The following SOX5 variants were observed in gnomAD, a reference collection of about 807,000 sequenced individuals.
The protein encoded by SOX5 is transcription factor SOX-5.
In SOX5, 9 loss-of-function variants were observed where a neutral mutation model predicts 92.0. The observed-to-expected ratio is 0.10, with a 90% confidence interval of 0.06 to 0.17. SOX5 has a LOEUF of 0.17. SOX5 is among the 10% of genes least tolerant of loss of function. The pLI, the probability that SOX5 is intolerant of heterozygous loss-of-function variation, is 1.00. For synonymous variants in SOX5, 344 were observed against 336.3 expected, an observed-to-expected ratio of 1.02 and a Z score of -0.25; for missense variants, 642 against 944.5, an observed-to-expected ratio of 0.68 and a Z score of 4.20.
At chr12:23,835,624 T>C (rs1376138106) in intron 3 of SOX5, among the ~76,000 whole-genome samples, 1 of 151,894 alleles carries the variant, frequency 6.6e-6, no homozygotes, top group Admixed American at 6.6e-5. Context: ...ATAAGAAATT[T>C]ACTTTAGTAG....
At chr12:23,538,261 A>C (rs1565623857) in intron 13 of SOX5, among the ~76,000 whole-genome samples, 1 of 152,218 alleles carries the variant, frequency 6.6e-6, no homozygotes, top group Non-Finnish European at 1.5e-5. Context: ...GAAAGAGGCA[A>C]TATCTCTTCC....
At chr12:23,681,288 C>T (rs1298838364) in intron 6 of SOX5, among the ~76,000 whole-genome samples, 1 of 150,640 alleles carries the variant, frequency 6.6e-6, no homozygotes, top group Non-Finnish European at 1.5e-5. Context: ...TAGATAATAC[C>T]CAAACTGATA....
intron 1 of SOX5, among the ~76,000 whole-genome samples, chr12:24,421,139 T>A (rs1481213265): frequency 2.6e-5 from 4 of 152,178 alleles, no homozygotes; most frequent in African/African-American, 9.7e-5. Flanking sequence ...ATGGTGAAAG[T>A]TCAGATATTA....
intron 6 of SOX5, among the ~76,000 whole-genome samples, chr12:23,724,455 AT>A (rs900399513): frequency 6.6e-6 from 1 of 152,170 alleles, no homozygotes; most frequent in East Asian, 1.9e-4. Flanking sequence ...AAGAGATCAT[AT>A]TTTTTCCCTG....
At chr12:24,242,148 A>T (rs1965666972) in intron 3 of SOX5, among the ~76,000 whole-genome samples, 1 of 152,256 alleles carries the variant, frequency 6.6e-6, no homozygotes, top group Non-Finnish European at 1.5e-5. Context: ...AATAATAAAC[A>T]TCATAAAGAT....
intron 1 of SOX5, among the ~76,000 whole-genome samples, chr12:24,504,132 A>G (rs1384978463): frequency 6.6e-6 from 1 of 152,150 alleles, no homozygotes; most frequent in Non-Finnish European, 1.5e-5. Context: ...TATAATTAAT[A>G]ATTACTCAAA....
At chr12:23,720,622 A>T (rs771833629) in intron 6 of SOX5, among the ~76,000 whole-genome samples, 204 of 152,354 alleles carry the variant, frequency 1.3e-3, no homozygotes, top group Middle Eastern at 3.4e-3. Context: ...TTAAAAAAAA[A>T]TACAGAGACT....
chr12:23,600,534 TATATATATATATATATATACAC>T (rs1168721356), intron 9 of SOX5, among the ~76,000 whole-genome samples: 21 of 115,664 alleles, frequency 1.8e-4, no homozygotes, highest in African/African-American at 3.5e-4. Flanking sequence ...TATATATATA[TATATATATATATATATATACAC>T]ATACTTGGCT....
intron 2 of SOX5, among the ~76,000 whole-genome samples, chr12:24,328,065 A>G (rs1950913586): frequency 6.6e-6 from 1 of 152,184 alleles, no homozygotes; most frequent in African/African-American, 2.4e-5. Flanking sequence ...TACACTTTTA[A>G]CCACATCTAT....
In SOX5 at chr12:24,413,678, C is replaced by T. The variant is rs1188489820; in HGVS notation, c.-250-45039G>A. On this transcript the variant is annotated intron_variant, in intron 1 of 4. Transcript: ENST00000446891. ...ACCAGGACACTAGGGTTTCAACTTA[C>T]CCATTTGCCAAAAGTAGCAATAGAT... is the stretch of plus-strand genomic sequence containing the variant. 2.0e-5 allele frequency among the ~76,000 whole-genome samples: 3 copies of T among 152,184 alleles called. No individual in the cohort carries two copies. In the South Asian group the frequency reaches 6.2e-4, roughly 32 times the overall value.
rs1322986353 is a variant in SOX5 at position 23,674,872 on chromosome 12, T to C, written c.811-9308A>G. ...ACCATCTGAAAATTGAGCAGAAAAA[T>C]AGAGATGCAATAGAACGACATAGTA... On this transcript the variant is annotated intron_variant, in intron 6 of 14. Coordinates refer to ENST00000451604, the MANE Select transcript of SOX5 (RefSeq NM_006940.6). Among the ~76,000 whole-genome samples, 6 of 151,972 alleles carry C rather than the reference T, an allele frequency of 3.9e-5. 1 individual carries two copies. The highest frequency in any genetic ancestry group is 3.9e-4 in the East Asian group (2 of 5,176).
chr12:23,770,566 T>G (rs1567625946), intron 3 of SOX5, among the ~76,000 whole-genome samples: 1 of 151,874 alleles, frequency 6.6e-6, no homozygotes, highest in East Asian at 1.9e-4. Flanking sequence ...TTCAACATGC[T>G]CTTTACTTTG....
chr12:24,435,314 C>A (rs1769277732), intron 1 of SOX5, among the ~76,000 whole-genome samples: 1 of 152,186 alleles, frequency 6.6e-6, no homozygotes, highest in Non-Finnish European at 1.5e-5. Context: ...ACGGCATTAG[C>A]TGGGCCTGTA....
intron 2 of SOX5, among the ~76,000 whole-genome samples, chr12:24,336,097 G>A (rs1394103906): frequency 6.7e-6 from 1 of 149,600 alleles, no homozygotes; most frequent in Admixed American, 6.7e-5. Flanking sequence ...TTTTTTGTTT[G>A]TTTGTTTGTT....
chr12:23,584,602 A>C, intron 9 of SOX5: 1 of 1,607,010 alleles, frequency 6.2e-7, no homozygotes, highest in Non-Finnish European at 8.5e-7. Flanking sequence ...ACCCACTATA[A>C]CTGACTGTTT....
chr12:24,184,476 A>G (rs924520904), intron 4 of SOX5, among the ~76,000 whole-genome samples: 1 of 152,198 alleles, frequency 6.6e-6, no homozygotes, highest in African/African-American at 2.4e-5. Context: ...AGCAGTTCAG[A>G]TAAGATTTTG....
At chr12:24,132,208 T>C (rs986150291) in intron 4 of SOX5, among the ~76,000 whole-genome samples, 2 of 152,134 alleles carry the variant, frequency 1.3e-5, no homozygotes, top group Admixed American at 6.6e-5. Flanking sequence ...AATCAGACAA[T>C]GCCCATGACC....
At chr12:24,403,047 C>A (rs186054255) in intron 1 of SOX5, among the ~76,000 whole-genome samples, 1 of 152,304 alleles carries the variant, frequency 6.6e-6, no homozygotes, top group East Asian at 1.9e-4. Context: ...TCACTCCCAC[C>A]TACTCCAATC....
At chr12:23,744,993 A>T (rs1387356851) in intron 4 of SOX5, among the ~76,000 whole-genome samples, 1 of 152,144 alleles carries the variant, frequency 6.6e-6, no homozygotes, top group Non-Finnish European at 1.5e-5. Flanking sequence ...TCTTATAAAG[A>T]TACCAGTCAT....
Sources: allele counts gnomAD v4.1 joint callset (sites outside exome capture counted in the v4.1 genomes callset), GRCh38; gene constraint gnomAD v4.1.1; transcripts MANE v1.5; gene names NCBI Gene and HGNC (gene_info 2026-07-23, HGNC 2026-07-21).